Variants in CTTNBP2NL observed in about 807,000 individuals in gnomAD.
The protein encoded by CTTNBP2NL is CTTNBP2 N-terminal like.
Under a neutral mutation model 32.5 loss-of-function variants are expected in CTTNBP2NL, and 16 were observed. That is an observed-to-expected ratio of 0.49 (90% confidence interval 0.33 to 0.75). The LOEUF (loss-of-function observed/expected upper bound fraction) is 0.75, where lower values mean the gene tolerates loss of function less well. CTTNBP2NL is among the 30% of genes least tolerant of loss of function. The probability of loss-of-function intolerance (pLI) is 0.02; values close to 1 mark genes in which losing one functional copy is unlikely to be tolerated. For synonymous variants in CTTNBP2NL, 298 were observed against 289.4 expected, an observed-to-expected ratio of 1.03 and a Z score of -0.30; for missense variants, 645 against 756.0, an observed-to-expected ratio of 0.85 and a Z score of 1.72.
chr1:112,420,619 C>T (rs552171107), intron 3 of CTTNBP2NL, among the ~76,000 whole-genome samples: 3 of 152,224 alleles, frequency 2.0e-5, no homozygotes, highest in Non-Finnish European at 2.9e-5. Context: ...CAGGGGCATG[C>T]CACTATACCT....
At chr1:112,423,721 A>G (rs751537578) in intron 3 of CTTNBP2NL, among the ~76,000 whole-genome samples, 7 of 151,774 alleles carry the variant, frequency 4.6e-5, no homozygotes, top group Non-Finnish European at 7.4e-5. Flanking sequence ...CAATTTATCA[A>G]TTTTTTTTGT....
intron 1 of CTTNBP2NL, among the ~76,000 whole-genome samples, chr1:112,402,898 T>C (rs1648546994): frequency 6.6e-6 from 1 of 152,140 alleles, no homozygotes; most frequent in South Asian, 2.1e-4. Flanking sequence ...AAATAACTTC[T>C]CATTCAGCCT....
At position 112,457,349 on chromosome 1, in the gene CTTNBP2NL, C is replaced by G; in HGVS notation, c.1857C>G (p.Cys619Trp). 6.2e-7 allele frequency: 1 copy of G among 1,614,208 alleles called. No individual in the cohort carries two copies. Among genetic ancestry groups the G allele is most frequent in the Non-Finnish European group, 8.5e-7 (1 of 1,180,030 alleles). ...LTTAEDLASS[C>W]SSNTVVANGK... ...CTGCAGAAGACCTTGCCAGCAGCTG[C>G]TCTTCCAATACTGTTGTAGCAAATG... Residue 619 changes from cysteine to tryptophan, a missense_variant, in exon 6 of 6, where the codon TGC (cysteine) becomes TGG (tryptophan). Physicochemically the swap from Cys to Trp is radical, Grantham distance 215. Transcript: ENST00000271277.
Position 112,456,560 on chromosome 1 carries a change from A to G in CTTNBP2NL, c.1068A>G (p.Ile356Met). 6.2e-7 allele frequency: 1 copy of G among 1,614,200 alleles called. No homozygotes were observed. Among genetic ancestry groups the G allele is most frequent in the Non-Finnish European group, 8.5e-7 (1 of 1,180,036 alleles). ...CCAATGGCCATTGTGACCCAGAGAT[A>G]CAAACTACCAGGGAGCTGACTGCAG... is the stretch of plus-strand genomic sequence containing the variant. ...AKTNGHCDPE[I>M]QTTRELTAGN... is the part of the protein sequence containing the mutation. The change falls in exon 6 of 6, where the codon ATA (isoleucine) becomes ATG (methionine). Residue 356 changes from isoleucine to methionine, a missense_variant. Physicochemically the swap from Ile to Met is conservative, Grantham distance 10. Coordinates refer to ENST00000271277, the MANE Select transcript of CTTNBP2NL (RefSeq NM_018704.3).
chr1:112,449,296 G>A, intron 4 of CTTNBP2NL, 124 bp downstream of exon 4: 3 of 580,008 alleles, frequency 5.2e-6, no homozygotes, highest in South Asian at 2.6e-5. Flanking sequence ...GTATCAAAAA[G>A]CCCCTTAGTT....
intron 1 of CTTNBP2NL, among the ~76,000 whole-genome samples, chr1:112,398,616 G>A (rs1032464153): frequency 2.0e-4 from 30 of 151,974 alleles, no homozygotes; most frequent in African/African-American, 7.2e-4. Context: ...AAATTCCAGT[G>A]TCTTAAGTGA....
At chr1:112,431,975 G>A (rs928242552) in intron 3 of CTTNBP2NL, among the ~76,000 whole-genome samples, 15 of 151,358 alleles carry the variant, frequency 9.9e-5, no homozygotes, top group Admixed American at 4.0e-4. Context: ...GAAATGGTCT[G>A]GAAGGATACC....
intron 3 of CTTNBP2NL, among the ~76,000 whole-genome samples, chr1:112,430,214 T>G (rs2483354): frequency 0.16 from 6,720 of 40,936 alleles, 505 homozygotes; most frequent in African/African-American, 0.26. Context: ...TTCTTTTCTT[T>G]TCTTTTCTTG....
intron 1 of CTTNBP2NL, among the ~76,000 whole-genome samples, chr1:112,397,117 T>C (rs976249657): frequency 2.6e-5 from 4 of 152,236 alleles, no homozygotes; most frequent in Non-Finnish European, 1.5e-5. Flanking sequence ...GTGTGTTGGA[T>C]ATCTGCAGAG....
At chr1:112,406,918 C>G (rs2100994235) in intron 1 of CTTNBP2NL, among the ~76,000 whole-genome samples, 1 of 152,262 alleles carries the variant, frequency 6.6e-6, no homozygotes, top group Non-Finnish European at 1.5e-5. Flanking sequence ...CTCTTGAGGC[C>G]TGCTTCAAAG....
At chr1:112,428,220 A>G (rs1278902683) in intron 3 of CTTNBP2NL, among the ~76,000 whole-genome samples, 1 of 152,146 alleles carries the variant, frequency 6.6e-6, no homozygotes, top group Admixed American at 6.6e-5. Flanking sequence ...TTTTTTCTTC[A>G]GAACTTCTGC....
rs1650494599 is a variant in CTTNBP2NL, at chr1:112,459,793, T to C, written c.*2381T>C. ...AATCTTAAAAGTTGCATTGTGCTCT[T>C]CCTTTGTTTTGGGATAGATATATAT... On this transcript the variant is annotated 3_prime_UTR_variant, in exon 6 of 6. Coordinates refer to ENST00000271277, the MANE Select transcript of CTTNBP2NL (RefSeq NM_018704.3). 1 of 152,224 alleles carries C rather than the reference T, an allele frequency of 6.6e-6. No individual in the cohort carries two copies. 9.4% of individuals were successfully genotyped at this position (152,224 alleles called of 1,614,324 possible). A position where few individuals can be genotyped will look rare whatever the true frequency, so the allele number is the denominator to read the frequency against.
chr1:112,416,940 A>G (rs1335085142), intron 3 of CTTNBP2NL, among the ~76,000 whole-genome samples: 1 of 152,196 alleles, frequency 6.6e-6, no homozygotes, highest in Non-Finnish European at 1.5e-5. Context: ...GATCCCATGA[A>G]AACATCCACG....
At chr1:112,425,991 G>GTA (rs1649384080) in intron 3 of CTTNBP2NL, among the ~76,000 whole-genome samples, 1 of 134,916 alleles carries the variant, frequency 7.4e-6, no homozygotes, top group African/African-American at 2.5e-5. Flanking sequence ...GTGTGTGTGT[G>GTA]TGTGTGTGTG....
chr1:112,446,646 G>A (rs1044057622), intron 3 of CTTNBP2NL, among the ~76,000 whole-genome samples: 1 of 152,194 alleles, frequency 6.6e-6, no homozygotes, highest in African/African-American at 2.4e-5. Flanking sequence ...TAGATCCTAG[G>A]CTCAACCAAT....
chr1:112,454,032 G>A (rs957018561), intron 4 of CTTNBP2NL, among the ~76,000 whole-genome samples: 1 of 152,142 alleles, frequency 6.6e-6, no homozygotes. Flanking sequence ...GGTGCCTCTG[G>A]TGATTTGAGA....
At chr1:112,450,430 A>T (rs1408667099) in intron 4 of CTTNBP2NL, among the ~76,000 whole-genome samples, 1 of 152,238 alleles carries the variant, frequency 6.6e-6, no homozygotes, top group African/African-American at 2.4e-5. Flanking sequence ...GTAATCTGAA[A>T]ACATTTACAC....
chr1:112,414,130 C>G (rs968311188), intron 2 of CTTNBP2NL, among the ~76,000 whole-genome samples: 7 of 151,984 alleles, frequency 4.6e-5, no homozygotes, highest in Non-Finnish European at 1.0e-4. Context: ...CTTTGGGAGA[C>G]TGAGGTGGGC....
In CTTNBP2NL at chr1:112,396,223, G is replaced by C. The variant is rs1170435454; in HGVS notation, c.-183G>C. Reference sequence around the variant, plus strand: ...GAGGGGGCGGAGCCTCAGCCGCTGTGGATGGGGAGTGGAGGCGGAGGGGAG... The same window carrying C: ...GAGGGGGCGGAGCCTCAGCCGCTGTCGATGGGGAGTGGAGGCGGAGGGGAG... On this transcript the variant is annotated 5_prime_UTR_variant, in exon 1 of 6. Coordinates refer to ENST00000271277, the MANE Select transcript of CTTNBP2NL (RefSeq NM_018704.3). 5.2e-5 allele frequency: 8 copies of C among 152,516 alleles called. No individual in the cohort carries two copies. The East Asian group carries it at 1.5e-3, about 29-fold the overall frequency. The allele number at this position is 152,516 out of a possible 1,614,324, so 9.4% of individuals were successfully genotyped here. A position where few individuals can be genotyped will look rare whatever the true frequency, so the allele number is the denominator to read the frequency against.
Sources: gnomAD v4.1 joint callset for allele counts (sites outside exome capture counted in the v4.1 genomes callset) on GRCh38, gnomAD v4.1.1 for gene constraint, MANE v1.5 for transcripts, NCBI Gene and HGNC (gene_info 2026-07-23, HGNC 2026-07-21) for gene names.